Variants in WHRN observed in about 807,000 individuals in gnomAD.
The protein encoded by WHRN is whirlin, also known as CASK-interacting protein CIP98.
A neutral mutation model predicts 68.3 loss-of-function variants in WHRN; 41 were observed. That is an observed-to-expected ratio of 0.60 (90% CI 0.47 to 0.78). The LOEUF (loss-of-function observed/expected upper bound fraction) is 0.78. Among genes scored for constraint, WHRN ranks in the 30% least tolerant of loss-of-function variants. The pLI, the probability that WHRN is intolerant of heterozygous loss-of-function variation, is 0.00. For synonymous variants in WHRN, 560 were observed against 561.3 expected (o/e 1.00, Z 0.03); for missense variants, 1,243 against 1,244.7 (o/e 1.00, Z 0.02).
Position 114,499,448 on chromosome 9 carries a change from C to T in WHRN, c.618+4736G>A, listed in dbSNP as rs1361019048. The stretch of plus-strand genomic sequence containing the variant: ...ATACCTCCAGCCATTTAATGTCATT[C>T]TTTCCAATCAGATTCGCTGGTCCTG... On this transcript the variant is annotated intron_variant, in intron 1 of 11. Coordinates refer to ENST00000362057, the MANE Select transcript of WHRN (RefSeq NM_015404.4). Among the ~76,000 whole-genome samples the T allele has an allele frequency of 4.6e-5, 7 of 152,218 alleles. 1 individual carries two copies. The highest frequency in any genetic ancestry group is 1.0e-4 in the Non-Finnish European group (7 of 68,046).
At chr9:114,420,304 T>C (rs999305388) in intron 7 of WHRN, among the ~76,000 whole-genome samples, 7 of 152,064 alleles carry the variant, frequency 4.6e-5, no homozygotes, top group African/African-American at 1.7e-4. Context: ...TCATTCTGCC[T>C]GCCTCCTTGA....
rs1286700122 is a variant in WHRN at position 114,406,795 on chromosome 9, G to C, written c.1796C>G (p.Pro599Arg). Residue 599 changes from proline to arginine, a missense_variant, in exon 9 of 12, where the codon CCA becomes CGA. Coordinates refer to ENST00000362057, the MANE Select transcript of WHRN (RefSeq NM_015404.4). ...AQGNDLPLGQPRKLGREDLQP... is the reference protein window; with the variant it reads ...AQGNDLPLGQRRKLGREDLQP... ...GAGGTCCTCTCTCCCCAGCTTCCTT[G>C]GCTGGCCTAGTGGGAGGTCGTTGCC... 1.9e-6 allele frequency: 3 copies of C among 1,613,398 alleles called. No individual in the cohort carries two copies. The highest frequency in any genetic ancestry group is 2.7e-5 in the African/African-American group (2 of 74,924).
Position 114,439,781 on chromosome 9 carries a change from A to T in WHRN, c.964-13368T>A, listed in dbSNP as rs1409829096. Among the ~76,000 whole-genome samples the T allele has an allele frequency of 7.2e-5, 11 of 152,222 alleles. No individual in the cohort carries two copies. In the East Asian group the frequency reaches 1.9e-3, roughly 27 times the overall value. On this transcript the variant is annotated intron_variant, in intron 3 of 11. Coordinates refer to ENST00000362057, the MANE Select transcript of WHRN (RefSeq NM_015404.4). ...TGGAATTTTTTTGGAGATTTGTGAC[A>T]ATTTGGAAAAACAGATGAGCCATGT...
intron 1 of WHRN, among the ~76,000 whole-genome samples, chr9:114,492,127 C>T (rs944649129): frequency 6.6e-6 from 1 of 151,930 alleles, no homozygotes; most frequent in Admixed American, 6.6e-5. Context: ...TACCCAGTGT[C>T]GGCATGGCTG....
At chr9:114,486,495 T>C (rs1842482486) in intron 1 of WHRN, among the ~76,000 whole-genome samples, 1 of 152,252 alleles carries the variant, frequency 6.6e-6, no homozygotes, top group Non-Finnish European at 1.5e-5. Context: ...TTCACTCGTT[T>C]AGCCAACCAT....
chr9:114,493,760 T>C (rs1172989991), intron 1 of WHRN, among the ~76,000 whole-genome samples: 1 of 152,222 alleles, frequency 6.6e-6, no homozygotes, highest in East Asian at 1.9e-4. Flanking sequence ...GCCACCTCTG[T>C]CCCTGAAATC....
chr9:114,492,918 G>A (rs1843112392), intron 1 of WHRN, among the ~76,000 whole-genome samples: 1 of 152,212 alleles, frequency 6.6e-6, no homozygotes, highest in African/African-American at 2.4e-5. Flanking sequence ...TCGGGAGGCT[G>A]AGGCAGGAGA....
chr9:114,403,884 C>G lies in WHRN; in HGVS notation c.2418+12G>C, dbSNP rs1834839950. The G allele has an allele frequency of 6.2e-7, 1 of 1,609,870 alleles. No individual in the cohort carries two copies. On this transcript the variant is annotated intron_variant, in intron 10 of 11. Transcript: ENST00000362057. Reference sequence around the variant, plus strand: ...CCTCTCAGCCCTCTGCATCCTCCTCCTCCTGGCTCACCGGTTTGTTGGCCC... The same window carrying G: ...CCTCTCAGCCCTCTGCATCCTCCTCGTCCTGGCTCACCGGTTTGTTGGCCC...
At chr9:114,464,370 G>T (rs1450163993) in intron 3 of WHRN, among the ~76,000 whole-genome samples, 2 of 152,170 alleles carry the variant, frequency 1.3e-5, no homozygotes, top group Non-Finnish European at 2.9e-5. Context: ...AGTTTTGGAG[G>T]TTGGAAGTCC....
intron 9 of WHRN, among the ~76,000 whole-genome samples, chr9:114,405,385 T>C (rs1834956281): frequency 6.6e-6 from 1 of 152,224 alleles, no homozygotes; most frequent in Non-Finnish European, 1.5e-5. Context: ...CAGAAATTAC[T>C]ACTTTGTATG....
chr9:114,443,049 G>T (rs564720750), intron 3 of WHRN, among the ~76,000 whole-genome samples: 7 of 152,272 alleles, frequency 4.6e-5, no homozygotes, highest in African/African-American at 1.7e-4. Context: ...TAGCCATAAA[G>T]AAAGAAATTG....
chr9:114,429,390 T>C lies in WHRN; in HGVS notation c.964-2977A>G, dbSNP rs143239729. The stretch of plus-strand genomic sequence containing the variant: ...TCAAATGCTAACTCTATCACTTCCG[T>C]GCCACATGGCCCCACAAAACCCACA... On this transcript the variant is annotated intron_variant, in intron 3 of 11. Coordinates refer to ENST00000362057, the MANE Select transcript of WHRN (RefSeq NM_015404.4). Among the ~76,000 whole-genome samples, 239 of 152,320 alleles carry C rather than the reference T, an allele frequency of 1.6e-3. 1 individual carries two copies. Among genetic ancestry groups the C allele is most frequent in the African/African-American group, 5.2e-3 (218 of 41,566 alleles).
chr9:114,453,689 G>A (rs1335565164), intron 3 of WHRN, among the ~76,000 whole-genome samples: 1 of 152,022 alleles, frequency 6.6e-6, no homozygotes, highest in Non-Finnish European at 1.5e-5. Context: ...TAACACTCAA[G>A]AAAGAAAAAT....
rs1022903277 is a variant in WHRN, at chr9:114,487,179, C to CA, written c.619-8409dup. Among the ~76,000 whole-genome samples, 314 of 136,872 alleles carry CA rather than the reference C, an allele frequency of 2.3e-3. 5 individuals are homozygous for CA. In the South Asian group the frequency reaches 0.031, roughly 14 times the overall value. 89.8% of individuals were successfully genotyped at this position (136,872 alleles called of 152,430 possible). On this transcript the variant is annotated intron_variant, in intron 1 of 11. Transcript: ENST00000362057. ...CACCTGGAACCTAGGTAAGAGATAC[C>CA]AAAAAAAAATTTTTTTTTTTTTTTT... is the stretch of plus-strand genomic sequence containing the variant.
chr9:114,418,656 T>G (rs539519408), intron 7 of WHRN, among the ~76,000 whole-genome samples: 5 of 152,348 alleles, frequency 3.3e-5, no homozygotes, highest in African/African-American at 1.2e-4. Flanking sequence ...CCTGGAATTC[T>G]CTGACATTCT....
At position 114,426,360 on chromosome 9, in the gene WHRN, G is replaced by C. The variant is rs375732074; in HGVS notation, c.1017C>G (p.His339Gln). 6.2e-7 allele frequency: 1 copy of C among 1,614,092 alleles called. No individual in the cohort carries two copies. The highest frequency in any genetic ancestry group is 1.1e-5 in the South Asian group (1 of 91,080). The stretch of plus-strand genomic sequence containing the variant: ...ACTTAAGCAGCCTGACAGCCTCGTC[G>C]TGTAGGATGTTGAGAAAGCTCCGCC... ...VNGRSFLNIL[H>Q]DEAVRLLKSS... Residue 339 changes from histidine (H) to glutamine (Q), a missense_variant, in exon 4 of 12, where the codon CAC becomes CAG. Transcript: ENST00000362057.
intron 8 of WHRN, 30 bp downstream of exon 8, chr9:114,407,917 G>A: frequency 6.4e-7 from 1 of 1,572,552 alleles, no homozygotes; most frequent in Non-Finnish European, 8.7e-7. Flanking sequence ...ACCAGGGAGA[G>A]CAGAACCAAA....
At chr9:114,405,417 A>T (rs1834958231) in intron 9 of WHRN, among the ~76,000 whole-genome samples, 1 of 152,212 alleles carries the variant, frequency 6.6e-6, no homozygotes, top group South Asian at 2.1e-4. Context: ...TCATTTGTAA[A>T]ATGGAGATAA....
At chr9:114,409,762 C>T (rs1461837293) in intron 7 of WHRN, among the ~76,000 whole-genome samples, 1 of 151,844 alleles carries the variant, frequency 6.6e-6, no homozygotes, top group East Asian at 1.9e-4. Flanking sequence ...ACCTAACCCA[C>T]CTGTCACCTG....
Sources: allele counts gnomAD v4.1 joint callset (sites outside exome capture counted in the v4.1 genomes callset), GRCh38; gene constraint gnomAD v4.1.1; transcripts MANE v1.5; gene names NCBI Gene and HGNC (gene_info 2026-07-23, HGNC 2026-07-21).